Variants in DNAJC10 observed in about 807,000 individuals in gnomAD.
DNAJC10 encodes the protein endoplasmic reticulum disulfide reductase DNAJC10.
In DNAJC10, 101 loss-of-function variants were observed where a neutral mutation model predicts 115.0. The ratio of observed to expected loss-of-function variants is 0.88; its 90% CI spans 0.75 to 1.04. The LOEUF (loss-of-function observed/expected upper bound fraction) is 1.04, where lower values mean the gene tolerates loss of function less well. DNAJC10 is among the 50% of genes least tolerant of loss of function. The pLI is 0.00. For missense variants in DNAJC10, 981 were observed against 928.8 expected (o/e 1.06, Z -0.73); for synonymous variants, 307 against 301.5 (o/e 1.02, Z -0.19).
At position 182,786,449 on chromosome 2, in the gene DNAJC10, T is replaced by A. The variant is rs1234500310; in HGVS notation, c.*9317T>A. 1 of 152,130 alleles carries A rather than the reference T, an allele frequency of 6.6e-6. No homozygotes were observed. Among genetic ancestry groups the A allele is most frequent in the African/African-American group, 2.4e-5 (1 of 41,438 alleles). 9.4% of individuals were successfully genotyped at this position (152,130 alleles called of 1,614,324 possible). ...GAGGTCATAATACTGAATTCTGAAA[T>A]GGAAATAATTGACTAGAGATTGTCT... On this transcript the variant is annotated 3_prime_UTR_variant, in exon 24 of 24. Transcript: ENST00000264065.
Position 182,743,049 on chromosome 2 carries a change from A to G in DNAJC10, c.1192-549A>G, listed in dbSNP as rs563432692. 7.2e-5 allele frequency among the ~76,000 whole-genome samples: 11 copies of G among 151,882 alleles called. 1 individual carries two copies. The highest frequency in any genetic ancestry group is 6.2e-4 in the South Asian group (3 of 4,804). On this transcript the variant is annotated intron_variant, in intron 13 of 23. Transcript: ENST00000264065. ...TTTAGTAGAGACGTGGTTTCACCCTATTGGTCAGGCTGATCTCAAACTCCT... is the reference window on the plus strand; with the variant it reads ...TTTAGTAGAGACGTGGTTTCACCCTGTTGGTCAGGCTGATCTCAAACTCCT...
chr2:182,761,903 G>A (rs1466720930), intron 21 of DNAJC10, among the ~76,000 whole-genome samples: 3 of 152,004 alleles, frequency 2.0e-5, no homozygotes, highest in Non-Finnish European at 2.9e-5. Context: ...TCCTCATGCT[G>A]GAAAAAGGAA....
intron 6 of DNAJC10, 66 bp downstream of exon 6, chr2:182,728,724 AT>A (rs3832045): frequency 0.55 from 800,249 of 1,457,256 alleles, 229,344 homozygotes; most frequent in Middle Eastern, 0.63. Flanking sequence ...ATATGTTAGA[AT>A]TTTTTTTTCT....
chr2:182,731,553 C>A (rs756123281), intron 9 of DNAJC10, among the ~76,000 whole-genome samples: 1 of 152,094 alleles, frequency 6.6e-6, no homozygotes, highest in East Asian at 1.9e-4. Flanking sequence ...CTTCTAGGAA[C>A]CTTTCCTTGA....
chr2:182,758,030 C>T (rs1207521660), intron 19 of DNAJC10, among the ~76,000 whole-genome samples: 3 of 151,992 alleles, frequency 2.0e-5, no homozygotes, highest in East Asian at 3.9e-4. Context: ...ATAGTCTAGA[C>T]AAAAAGATAA....
In DNAJC10 at chr2:182,720,116, A is replaced by C; in HGVS notation, c.314A>C (p.Glu105Ala). The C allele has an allele frequency of 6.2e-7, 1 of 1,612,348 alleles. No individual in the cohort carries two copies. The change falls in exon 4 of 24, where the codon GAG becomes GCG. Residue 105 changes from glutamate to alanine, a missense_variant. Physicochemically the swap from Glu to Ala is moderately radical, Grantham distance 107 (BLOSUM62 -1). Coordinates refer to ENST00000264065, the MANE Select transcript of DNAJC10 (RefSeq NM_018981.4). Reference protein sequence around the residue: ...KYDKYGEKGLEDNQGGQYESW... With the variant: ...KYDKYGEKGLADNQGGQYESW... ...GACAAATATGGAGAAAAGGGACTTG[A>C]GGATAATCAAGGTGGCCAGTATGAA...
intron 11 of DNAJC10, among the ~76,000 whole-genome samples, chr2:182,738,253 T>TA (rs1457520058): frequency 6.6e-6 from 1 of 151,794 alleles, no homozygotes; most frequent in African/African-American, 2.4e-5. Flanking sequence ...GTTATCTGTT[T>TA]AGAATGGGAG....
intron 9 of DNAJC10, 105 bp downstream of exon 9, chr2:182,731,212 C>T (rs1693438799): frequency 1.4e-6 from 1 of 694,070 alleles, no homozygotes; most frequent in East Asian, 2.8e-5. Flanking sequence ...CTAGAAACTA[C>T]AATTTATGCC....
chr2:182,732,838 C>A (rs192935309), intron 10 of DNAJC10: 5 of 394,984 alleles, frequency 1.3e-5, no homozygotes, highest in African/African-American at 2.1e-5. Flanking sequence ...CCAACTTTAT[C>A]TTTTGTTGTT....
chr2:182,760,348 C>T (rs1694259079), intron 21 of DNAJC10, among the ~76,000 whole-genome samples: 1 of 152,100 alleles, frequency 6.6e-6, no homozygotes, highest in African/African-American at 2.4e-5. Context: ...TTTATTATTA[C>T]TTGAAAGATA....
At position 182,781,706 on chromosome 2, in the gene DNAJC10, A is replaced by C. The variant is rs567239411; in HGVS notation, c.*4574A>C. On this transcript the variant is annotated 3_prime_UTR_variant, in exon 24 of 24. Transcript: ENST00000264065. ...TTGTGTTTTTGATTTGCATTTCTCT[A>C]ATGACCACTGATGATGAGCTTTTTT... 3 of 152,230 alleles carry C rather than the reference A, an allele frequency of 2.0e-5. No individual in the cohort carries two copies. The highest frequency in any genetic ancestry group is 7.2e-5 in the African/African-American group (3 of 41,548). The allele number at this position is 152,230 out of a possible 1,614,324, so 9.4% of individuals were successfully genotyped here. A position where few individuals can be genotyped will look rare whatever the true frequency, so the allele number is the denominator to read the frequency against.
At chr2:182,762,951 T>C in intron 22 of DNAJC10, 150 bp downstream of exon 22, 1 of 918,172 alleles carries the variant, frequency 1.1e-6, no homozygotes, top group Non-Finnish European at 1.5e-6. Flanking sequence ...AAAATTTACA[T>C]GTATACCAAG....
intron 19 of DNAJC10, 26 bp from the exon 20 acceptor site, chr2:182,758,811 A>G: frequency 6.5e-7 from 1 of 1,546,106 alleles, no homozygotes; most frequent in South Asian, 1.1e-5. Flanking sequence ...AATCCTATTT[A>G]CAACTAACAT....
At chr2:182,746,274 A>G (rs1305471420) in intron 14 of DNAJC10, among the ~76,000 whole-genome samples, 2 of 152,164 alleles carry the variant, frequency 1.3e-5, no homozygotes, top group African/African-American at 4.8e-5. Flanking sequence ...GCTGGGTCAA[A>G]TGGTATTTCC....
intron 1 of DNAJC10, among the ~76,000 whole-genome samples, chr2:182,716,770 C>T (rs1217012463): frequency 6.6e-6 from 1 of 152,152 alleles, no homozygotes; most frequent in African/African-American, 2.4e-5. Flanking sequence ...TTCATCTTTA[C>T]CCCTCTCCCC....
At chr2:182,743,851 T>A (rs1693798343) in intron 14 of DNAJC10, 139 bp downstream of exon 14, 1 of 615,376 alleles carries the variant, frequency 1.6e-6, no homozygotes, top group Admixed American at 3.0e-5. Context: ...GGACAGATAT[T>A]TTGAATTATA....
At position 182,739,499 on chromosome 2, in the gene DNAJC10, A is replaced by G. The variant is rs191264169; in HGVS notation, c.988-800A>G. 161 of 1,177,890 alleles carry G rather than the reference A, an allele frequency of 1.4e-4. No individual in the cohort carries two copies. The African/African-American group carries it at 2.2e-3, about 16-fold the overall frequency. 73.0% of individuals were successfully genotyped at this position (1,177,890 alleles called of 1,614,324 possible). A position where few individuals can be genotyped will look rare whatever the true frequency, so the allele number is the denominator to read the frequency against. Reference sequence around the variant, plus strand: ...TAAACTCTGTTTTGTCAACTTTCATATACATTTTCTTGATGTAACCATTGC... The same window carrying G: ...TAAACTCTGTTTTGTCAACTTTCATGTACATTTTCTTGATGTAACCATTGC... On this transcript the variant is annotated intron_variant, in intron 11 of 23. Coordinates refer to ENST00000264065, the MANE Select transcript of DNAJC10 (RefSeq NM_018981.4).
intron 22 of DNAJC10, among the ~76,000 whole-genome samples, chr2:182,763,902 A>AT (rs1694348360): frequency 6.6e-6 from 1 of 152,180 alleles, no homozygotes; most frequent in Non-Finnish European, 1.5e-5. Flanking sequence ...TACAACGGCC[A>AT]TCACCTAAAT....
chr2:182,761,343 A>C (rs1217999784), intron 21 of DNAJC10, among the ~76,000 whole-genome samples: 1 of 152,102 alleles, frequency 6.6e-6, no homozygotes, highest in Non-Finnish European at 1.5e-5. Flanking sequence ...TGTAAATGAC[A>C]TAGACACTTA....
Sources: gnomAD v4.1 joint callset for allele counts (sites outside exome capture counted in the v4.1 genomes callset) on GRCh38, gnomAD v4.1.1 for gene constraint, MANE v1.5 for transcripts, NCBI Gene and HGNC (gene_info 2026-07-23, HGNC 2026-07-21) for gene names.